SMIM7: variants seen among roughly 807,000 people sequenced by gnomAD.
The protein encoded by SMIM7 is small integral membrane protein 7.
A neutral mutation model predicts 13.3 loss-of-function variants in SMIM7; 12 were observed. The ratio of observed to expected loss-of-function variants is 0.90; its 90% CI spans 0.58 to 1.46. The LOEUF is 1.46. Ranked by LOEUF, SMIM7 falls within the 40% of genes most tolerant of loss-of-function variation. The pLI, the probability that SMIM7 is intolerant of heterozygous loss-of-function variation, is 0.00. For synonymous variants in SMIM7, 36 were observed against 35.8 expected, an observed-to-expected ratio of 1.01 and a Z score of -0.02; for missense variants, 114 against 94.8, an observed-to-expected ratio of 1.20 and a Z score of -0.84.
intron 4 of SMIM7, among the ~76,000 whole-genome samples, chr19:16,653,299 A>C (rs2122537277): frequency 6.6e-6 from 1 of 152,304 alleles, no homozygotes; most frequent in Admixed American, 6.5e-5. Flanking sequence ...AACAGAAAGC[A>C]GGGCCGGGTG....
At chr19:16,637,439 T>C (rs546474892) in intron 4 of SMIM7, among the ~76,000 whole-genome samples, 2 of 152,178 alleles carry the variant, frequency 1.3e-5, no homozygotes, top group South Asian at 4.2e-4. Context: ...TGGGGGAGGT[T>C]GAGGCTACAT....
At chr19:16,652,919 C>T (rs978184148) in intron 4 of SMIM7, 1 of 1,550,464 alleles carries the variant, frequency 6.4e-7, no homozygotes, top group Admixed American at 2.0e-5. Flanking sequence ...GAGTTATGGC[C>T]CCAGTGCTAG....
At chr19:16,641,936 G>A (rs994045222), downstream of SMIM7, among the ~76,000 whole-genome samples, 11 of 152,220 alleles carry the variant, frequency 7.2e-5, no homozygotes, top group Non-Finnish European at 1.3e-4. Context: ...CCTCTGGGCT[G>A]TAGTTTGCTG....
chr19:16,641,744 G>A (rs143777970), downstream of SMIM7, among the ~76,000 whole-genome samples: 7 of 152,258 alleles, frequency 4.6e-5, no homozygotes, highest in East Asian at 1.2e-3. Context: ...GACTATAAGC[G>A]TGCAGCACGA....
At chr19:16,658,181 G>A (rs984890540) in intron 3 of SMIM7, among the ~76,000 whole-genome samples, 6 of 152,142 alleles carry the variant, frequency 3.9e-5, no homozygotes, top group Non-Finnish European at 4.4e-5. Flanking sequence ...TCACCATCCT[G>A]TGACTCCCTG....
chr19:16,635,899 A>AATAT (rs1170352437), intron 4 of SMIM7, among the ~76,000 whole-genome samples: 2,083 of 109,392 alleles, frequency 0.019, 35 homozygotes, highest in Non-Finnish European at 0.023. Flanking sequence ...AAAAAAAAAA[A>AATAT]ATATATATAT....
intron 3 of SMIM7, 192 bp downstream of exon 3, chr19:16,659,203 A>G (rs761682575): frequency 1.5e-6 from 1 of 660,758 alleles, no homozygotes; most frequent in African/African-American, 1.8e-5. Context: ...GGATCACTTT[A>G]GCTCAGGAGG....
intron 4 of SMIM7, among the ~76,000 whole-genome samples, chr19:16,652,128 T>C (rs569533051): frequency 3.9e-5 from 6 of 152,384 alleles, no homozygotes; most frequent in African/African-American, 1.2e-4. Context: ...CCTTTGCACA[T>C]GCCACTTCCT....
At chr19:16,654,339 C>A (rs191324392) in intron 3 of SMIM7, among the ~76,000 whole-genome samples, 2 of 152,276 alleles carry the variant, frequency 1.3e-5, no homozygotes, top group East Asian at 1.9e-4. Context: ...AGCCCCTCTG[C>A]CTCTGATTGG....
At chr19:16,641,589 T>A (rs2086404407), downstream of SMIM7, 1 of 152,190 alleles carries the variant, frequency 6.6e-6, no homozygotes, top group African/African-American at 2.4e-5. Flanking sequence ...TGAGCCACTG[T>A]GCCCGGTCCC....
In SMIM7 at chr19:16,654,103, C is replaced by G; in HGVS notation, c.144G>C (p.Leu48Phe). 6.2e-7 allele frequency: 1 copy of G among 1,614,058 alleles called. No homozygotes were observed. The highest frequency in any genetic ancestry group is 8.5e-7 in the Non-Finnish European group (1 of 1,180,010). The change falls in exon 4 of 5, where the codon TTG becomes TTC. Residue 48 changes from leucine (L) to phenylalanine (F), a missense_variant. Physicochemically the swap from Leu to Phe is conservative, Grantham distance 22. Coordinates refer to ENST00000487416, the MANE Select transcript of SMIM7 (RefSeq NM_024104.4). The part of the protein sequence containing the change: ...PSTGDNIREF[L>F]LSLRYFRIFI... ...AGATTCGAAAGTATCTGAGGCTCAGCAAGAATTCCCGGATGTTGTCACCTG... is the reference window on the plus strand; with the variant it reads ...AGATTCGAAAGTATCTGAGGCTCAGGAAGAATTCCCGGATGTTGTCACCTG...
At chr19:16,644,630 G>A (rs58025295), downstream of SMIM7, 24,299 of 152,002 alleles carry the variant, frequency 0.16, 2,118 homozygotes, top group East Asian at 0.26. Flanking sequence ...GTAGAGACGG[G>A]GTTTCACCAT....
At chr19:16,637,852 A>G (rs1156949036) in intron 4 of SMIM7, among the ~76,000 whole-genome samples, 3 of 152,218 alleles carry the variant, frequency 2.0e-5, no homozygotes, top group Admixed American at 1.3e-4. Flanking sequence ...TCACCTACCC[A>G]TGACTAAATT....
intron 4 of SMIM7, 126 bp downstream of exon 4, chr19:16,653,909 A>G (rs2086562083): frequency 7.6e-6 from 6 of 786,512 alleles, no homozygotes; most frequent in Non-Finnish European, 9.9e-6. Context: ...AAAACAAAAA[A>G]TAAAGAAAAC....
chr19:16,658,375 A>G (rs2086623752), intron 3 of SMIM7, among the ~76,000 whole-genome samples: 1 of 152,238 alleles, frequency 6.6e-6, no homozygotes, highest in Non-Finnish European at 1.5e-5. Flanking sequence ...AATGGATACA[A>G]TAGTCATGTA....
chr19:16,644,569 C>G (rs1187066547), downstream of SMIM7, among the ~76,000 whole-genome samples: 1 of 151,940 alleles, frequency 6.6e-6, no homozygotes, highest in African/African-American at 2.4e-5. Context: ...TCCTGAGTAG[C>G]TGGGATTACA....
chr19:16,653,428 C>T (rs2086554305), intron 4 of SMIM7, among the ~76,000 whole-genome samples: 1 of 151,876 alleles, frequency 6.6e-6, no homozygotes, highest in South Asian at 2.1e-4. Flanking sequence ...TGTAAAAATA[C>T]AAAAATTAGC....
intron 2 of SMIM7, 163 bp downstream of exon 2, chr19:16,659,796 G>T: frequency 1.1e-6 from 1 of 881,272 alleles, no homozygotes; most frequent in South Asian, 1.5e-5. Flanking sequence ...TCGGGGGGTG[G>T]GGGGCGAGGA....
In SMIM7 at chr19:16,652,910, AG is replaced by A. The variant is rs1443058553; in HGVS notation, c.212+1124del. 5 of 1,550,512 alleles carry A rather than the reference AG, an allele frequency of 3.2e-6. No individual in the cohort carries two copies. The African/African-American group carries it at 6.8e-5, about 21-fold the overall frequency. On this transcript the variant is annotated intron_variant, in intron 4 of 4. Coordinates refer to ENST00000487416, the MANE Select transcript of SMIM7 (RefSeq NM_024104.4). ...CACAATTCGTTAACAGTAGTATCAG[AG>A]TTATGGCCCCAGTGCTAGATGGAAA...
Sources: allele counts gnomAD v4.1 joint callset (sites outside exome capture counted in the v4.1 genomes callset), GRCh38; gene constraint gnomAD v4.1.1; transcripts MANE v1.5; gene names NCBI Gene and HGNC (gene_info 2026-07-23, HGNC 2026-07-21).